The following FOXP1 variants were observed in gnomAD, a reference collection of about 807,000 sequenced individuals.
FOXP1 encodes forkhead box protein P1.
A neutral mutation model predicts 98.2 loss-of-function variants in FOXP1; 15 were observed. That is an observed-to-expected ratio of 0.15 (90% CI 0.10 to 0.24). The LOEUF (loss-of-function observed/expected upper bound fraction) is 0.24, where lower values mean the gene tolerates loss of function less well. FOXP1 is among the 10% of genes least tolerant of loss of function. The pLI, the probability that FOXP1 is intolerant of heterozygous loss-of-function variation, is 1.00. For missense variants in FOXP1, 633 were observed against 848.5 expected, an observed-to-expected ratio of 0.75 and a Z score of 3.15; for synonymous variants, 371 against 314.5, an observed-to-expected ratio of 1.18 and a Z score of -1.90.
chr3:71,567,744 G>A (rs1305413663), intron 2 of FOXP1: 3 of 152,052 alleles, frequency 2.0e-5, no homozygotes, highest in African/African-American at 4.8e-5. Context: ...CTTCCGGAAA[G>A]AATCTCCTTA....
chr3:71,160,138 G>A (rs766284065), intron 6 of FOXP1, among the ~76,000 whole-genome samples: 16 of 152,178 alleles, frequency 1.1e-4, no homozygotes, highest in Non-Finnish European at 1.5e-4. Flanking sequence ...TCACCACGCT[G>A]TTCTTGCCAC....
intron 6 of FOXP1, among the ~76,000 whole-genome samples, chr3:71,176,641 T>C (rs953241429): frequency 6.7e-6 from 1 of 148,972 alleles, no homozygotes; most frequent in African/African-American, 2.5e-5. Flanking sequence ...CTTGAGAGGC[T>C]CGGGTGGGAG....
At chr3:71,041,629 G>GTTAGGGGGGTTT in intron 10 of FOXP1, 97 bp from the exon 11 acceptor site, 1 of 1,214,030 alleles carries the variant, frequency 8.2e-7, no homozygotes, top group Non-Finnish European at 1.2e-6. Context: ...AAAGCCTAGT[G>GTTAGGGGGGTTT]TTAGGGGGGT....
At chr3:71,122,028 C>T (rs9829817) in intron 6 of FOXP1, among the ~76,000 whole-genome samples, 11,703 of 152,234 alleles carry the variant, frequency 0.077, 1,284 homozygotes, top group African/African-American at 0.24. Flanking sequence ...TTTCATACCT[C>T]AGAATGAGAC....
intron 3 of FOXP1, among the ~76,000 whole-genome samples, chr3:71,392,407 G>A (rs560676787): frequency 6.6e-6 from 1 of 152,220 alleles, no homozygotes; most frequent in East Asian, 1.9e-4. Context: ...AAATTAACTT[G>A]TTAATGGATA....
chr3:71,200,666 G>C (rs2063615208), intron 5 of FOXP1, among the ~76,000 whole-genome samples: 1 of 152,210 alleles, frequency 6.6e-6, no homozygotes, highest in South Asian at 2.1e-4. Context: ...ACCAATCCCA[G>C]ATTAAAGGGC....
chr3:71,269,981 G>A (rs1316090213), intron 5 of FOXP1, among the ~76,000 whole-genome samples: 1 of 152,138 alleles, frequency 6.6e-6, no homozygotes, highest in Non-Finnish European at 1.5e-5. Context: ...TATACTTTTT[G>A]CCAAAGCACC....
At chr3:71,310,404 C>T (rs746797042) in intron 4 of FOXP1, among the ~76,000 whole-genome samples, 13 of 152,162 alleles carry the variant, frequency 8.5e-5, no homozygotes, top group Non-Finnish European at 1.8e-4. Context: ...ATAAATGATT[C>T]TCACCAAAGG....
intron 3 of FOXP1, among the ~76,000 whole-genome samples, chr3:71,424,768 G>T (rs1235722003): frequency 6.6e-6 from 1 of 152,208 alleles, no homozygotes; most frequent in Non-Finnish European, 1.5e-5. Flanking sequence ...TGCTGCCTAT[G>T]CTGGGCTGGC....
intron 19 of FOXP1, 170 bp downstream of exon 19, chr3:70,970,547 TAAGCATCCCGCTAACGCTG>T: frequency 1.6e-6 from 1 of 610,944 alleles, no homozygotes; most frequent in Non-Finnish European, 2.9e-6. Flanking sequence ...TTCAAAATGC[TAAGCATCCCGCTAACGCTG>T]AAGCAGCCCG....
chr3:71,474,095 G>A (rs1335589253), intron 3 of FOXP1, among the ~76,000 whole-genome samples: 1 of 152,020 alleles, frequency 6.6e-6, no homozygotes, highest in Non-Finnish European at 1.5e-5. Flanking sequence ...CAAGATAATT[G>A]CAACTATATA....
At chr3:71,208,192 A>T (rs772295902) in intron 5 of FOXP1, among the ~76,000 whole-genome samples, 11 of 152,198 alleles carry the variant, frequency 7.2e-5, no homozygotes, top group Non-Finnish European at 1.5e-4. Flanking sequence ...ACAAAATCCA[A>T]GGATTGTACC....
intron 5 of FOXP1, among the ~76,000 whole-genome samples, chr3:71,216,969 C>A (rs911236025): frequency 1.6e-4 from 25 of 152,102 alleles, no homozygotes; most frequent in Non-Finnish European, 2.5e-4. Flanking sequence ...CACAGCAGAG[C>A]CCCTACAGTA....
intron 3 of FOXP1, among the ~76,000 whole-genome samples, chr3:71,410,554 G>T (rs1470258017): frequency 6.6e-6 from 1 of 152,170 alleles, no homozygotes; most frequent in African/African-American, 2.4e-5. Flanking sequence ...AGTCAAAAAG[G>T]CATCCATGGG....
intron 2 of FOXP1, among the ~76,000 whole-genome samples, chr3:71,522,772 T>C (rs2043090626): frequency 6.6e-6 from 1 of 152,136 alleles, no homozygotes. Flanking sequence ...TGTCTGATGT[T>C]TGCACACAGA....
At chr3:71,536,824 C>T (rs558810792) in intron 2 of FOXP1, among the ~76,000 whole-genome samples, 40 of 152,240 alleles carry the variant, frequency 2.6e-4, no homozygotes, top group African/African-American at 9.4e-4. Flanking sequence ...TGTGGGTTCT[C>T]CCACCCCCAC....
chr3:71,072,414 C>T (rs919827116), intron 7 of FOXP1, among the ~76,000 whole-genome samples: 1 of 152,176 alleles, frequency 6.6e-6, no homozygotes, highest in African/African-American at 2.4e-5. Flanking sequence ...ATCTCGAACA[C>T]TGTCATGTCT....
At chr3:71,083,278 T>A (rs565950065) in intron 7 of FOXP1, among the ~76,000 whole-genome samples, 2 of 152,068 alleles carry the variant, frequency 1.3e-5, no homozygotes, top group African/African-American at 4.8e-5. Context: ...GCTCTTGCCA[T>A]GTGACATGCT....
At chr3:71,449,631 C>G (rs2086755304) in intron 3 of FOXP1, among the ~76,000 whole-genome samples, 1 of 152,160 alleles carries the variant, frequency 6.6e-6, no homozygotes, top group Non-Finnish European at 1.5e-5. Context: ...CCCATACAAA[C>G]AGGGATTAAT....
Sources: allele counts gnomAD v4.1 joint callset (sites outside exome capture counted in the v4.1 genomes callset), GRCh38; gene constraint gnomAD v4.1.1; transcripts MANE v1.5; gene names NCBI Gene and HGNC (gene_info 2026-07-23, HGNC 2026-07-21).